PTPRD: variants seen among roughly 807,000 people sequenced by gnomAD.
The protein encoded by PTPRD is receptor-type tyrosine-protein phosphatase delta.
In PTPRD, 34 loss-of-function variants were observed where a neutral mutation model predicts 214.5. The observed-to-expected ratio is 0.16, with a 90% CI of 0.12 to 0.21. The LOEUF is 0.21. Ranked by LOEUF, PTPRD falls within the 10% of genes least tolerant of loss-of-function variation. The probability of loss-of-function intolerance (pLI) is 1.00; values close to 1 mark genes in which losing one functional copy is unlikely to be tolerated. For synonymous variants in PTPRD, 1,128 were observed against 845.7 expected (o/e 1.33, Z -5.79); for missense variants, 2,545 against 2,398.7 (o/e 1.06, Z -1.27).
chr9:10,266,030 A>G (rs1169764488), intron 3 of PTPRD, among the ~76,000 whole-genome samples: 1 of 152,216 alleles, frequency 6.6e-6, no homozygotes, highest in Non-Finnish European at 1.5e-5. Flanking sequence ...TATTAACTAG[A>G]AAAAATATAA....
chr9:9,798,129 T>C (rs2099015618), intron 5 of PTPRD, among the ~76,000 whole-genome samples: 1 of 151,980 alleles, frequency 6.6e-6, no homozygotes, highest in African/African-American at 2.4e-5. Context: ...GCCCAAGCAG[T>C]GTCTGATAAT....
At chr9:9,007,862 G>A (rs1039140618) in intron 11 of PTPRD, among the ~76,000 whole-genome samples, 1 of 134,286 alleles carries the variant, frequency 7.4e-6, no homozygotes, top group Admixed American at 7.8e-5. Context: ...AAGCTAAAAA[G>A]ATATGACCCA....
At chr9:10,509,322 T>C (rs2047156428) in intron 2 of PTPRD, among the ~76,000 whole-genome samples, 1 of 151,656 alleles carries the variant, frequency 6.6e-6, no homozygotes, top group South Asian at 2.1e-4. Context: ...TTTCTTCAGT[T>C]GTTTATAATA....
chr9:9,287,264 G>C lies in PTPRD; in HGVS notation c.-202-103901C>G, dbSNP rs189066181. The stretch of plus-strand genomic sequence containing the variant: ...AAAGGTATTTAGTATAGGAATGTTG[G>C]CATAAATGTTTATGTGCTAGCCCCA... On this transcript the variant is annotated intron_variant, in intron 9 of 45. Transcript: ENST00000381196. 7.5e-3 allele frequency among the ~76,000 whole-genome samples: 1,139 copies of C among 151,680 alleles called. 14 individuals carry two copies. Among genetic ancestry groups the C allele is most frequent in the Middle Eastern group, 0.024 (7 of 294 alleles).
chr9:8,812,485 G>C (rs753731327), intron 11 of PTPRD, among the ~76,000 whole-genome samples: 1 of 152,096 alleles, frequency 6.6e-6, no homozygotes, highest in Non-Finnish European at 1.5e-5. Context: ...TACTCTCAAA[G>C]GGAGAAATAA....
At chr9:8,394,664 T>C (rs2090596072) in intron 36 of PTPRD, among the ~76,000 whole-genome samples, 9 of 152,156 alleles carry the variant, frequency 5.9e-5, no homozygotes. Flanking sequence ...GTCTGTGCTA[T>C]TCTTAACCTT....
rs551679368 is a variant in PTPRD at position 9,101,315 on chromosome 9, T to A, written c.-143+81989A>T. On this transcript the variant is annotated intron_variant, in intron 10 of 45. Transcript: ENST00000381196. The stretch of plus-strand genomic sequence containing the variant: ...ATTTGGGATATTAGGTAGATAGTAG[T>A]TTCTTATTTTTAAGAAGACAGAACA... Among the ~76,000 whole-genome samples the A allele has an allele frequency of 2.0e-5, 3 of 152,280 alleles. No homozygotes were observed. The South Asian group carries it at 6.2e-4, about 32-fold the overall frequency.
chr9:9,023,590 CA>C (rs1469052716), intron 10 of PTPRD, among the ~76,000 whole-genome samples: 4 of 151,956 alleles, frequency 2.6e-5, no homozygotes, highest in African/African-American at 9.7e-5. Flanking sequence ...AGGTTTGTTA[CA>C]GGGGTATATC....
chr9:9,134,568 A>T (rs1030793220), intron 10 of PTPRD, among the ~76,000 whole-genome samples: 1 of 152,122 alleles, frequency 6.6e-6, no homozygotes, highest in African/African-American at 2.4e-5. Context: ...TTTCCACACA[A>T]AATTCAGTGA....
intron 9 of PTPRD, among the ~76,000 whole-genome samples, chr9:9,197,455 G>T (rs1210532452): frequency 1.3e-5 from 2 of 152,184 alleles, no homozygotes; most frequent in Non-Finnish European, 2.9e-5. Context: ...CTGTCGCCCA[G>T]ACTGGAATGC....
At chr9:9,785,837 A>C (rs2098919215) in intron 5 of PTPRD, among the ~76,000 whole-genome samples, 1 of 152,164 alleles carries the variant, frequency 6.6e-6, no homozygotes, top group Non-Finnish European at 1.5e-5. Flanking sequence ...TGGGGTACAT[A>C]CAAAAGGTAC....
chr9:10,117,673 G>A, intron 3 of PTPRD, among the ~76,000 whole-genome samples: 1 of 149,736 alleles, frequency 6.7e-6, no homozygotes, highest in Non-Finnish European at 1.5e-5. Flanking sequence ...CTAATTCCAG[G>A]ATGATTTCAC....
Position 8,341,118 on chromosome 9 carries a change from T to G in PTPRD, c.5098A>C (p.Ile1700Leu). Residue 1700 changes from isoleucine to leucine, a missense_variant, in exon 41 of 46, where the codon ATC becomes CTC. Physicochemically the swap from Ile to Leu is conservative, Grantham distance 5 (BLOSUM62 2). Transcript: ENST00000381196. ...TATCCATCAATAAAACTGGCATTGA[T>G]GTAATCAGATCCTTCTACTCCACGG... ...PIRGVEGSDY[I>L]NASFIDGYRQ... The G allele has an allele frequency of 1.2e-6, 2 of 1,611,794 alleles. No individual in the cohort carries two copies. The highest frequency in any genetic ancestry group is 1.7e-6 in the Non-Finnish European group (2 of 1,178,834).
chr9:9,004,689 G>A (rs776130154), intron 11 of PTPRD, among the ~76,000 whole-genome samples: 6 of 152,026 alleles, frequency 3.9e-5, no homozygotes, highest in African/African-American at 1.4e-4. Context: ...GGGCAAAACT[G>A]CCTGCGGAGG....
intron 5 of PTPRD, among the ~76,000 whole-genome samples, chr9:9,924,586 G>GCTTTCC (rs1566374810): frequency 2.0e-5 from 3 of 152,072 alleles, no homozygotes; most frequent in African/African-American, 7.2e-5. Context: ...TTTCCAGTAC[G>GCTTTCC]CTTTCACTTT....
chr9:8,345,180 G>A (rs894431666), intron 39 of PTPRD, among the ~76,000 whole-genome samples: 1 of 151,990 alleles, frequency 6.6e-6, no homozygotes, highest in Non-Finnish European at 1.5e-5. Flanking sequence ...CAAATGAGAT[G>A]GCAGGCAAGG....
chr9:9,809,761 T>C lies in PTPRD; in HGVS notation c.-367-42910A>G, dbSNP rs946857705. Among the ~76,000 whole-genome samples, 101 of 152,262 alleles carry C rather than the reference T, an allele frequency of 6.6e-4. 1 individual carries two copies. Among genetic ancestry groups the C allele is most frequent in the Admixed American group, 6.1e-3 (94 of 15,300 alleles). On this transcript the variant is annotated intron_variant, in intron 5 of 45. Coordinates refer to ENST00000381196, the MANE Select transcript of PTPRD (RefSeq NM_002839.4). ...CTAACACTGACATTCAGAATGTGTC[T>C]GACCAAGACAGGTGACATTCCATGA...
intron 6 of PTPRD, among the ~76,000 whole-genome samples, chr9:9,752,536 T>C (rs890570612): frequency 5.3e-5 from 8 of 151,998 alleles, no homozygotes; most frequent in African/African-American, 1.9e-4. Flanking sequence ...GAGTTTGATT[T>C]TTAGAATCCC....
intron 21 of PTPRD, among the ~76,000 whole-genome samples, chr9:8,511,178 T>G (rs1335981487): frequency 6.6e-6 from 1 of 152,140 alleles, no homozygotes; most frequent in East Asian, 1.9e-4. Context: ...AAGTGCTCCT[T>G]CCACCTCAGC....
Sources: gnomAD v4.1 joint callset for allele counts (sites outside exome capture counted in the v4.1 genomes callset) on GRCh38, gnomAD v4.1.1 for gene constraint, MANE v1.5 for transcripts, NCBI Gene and HGNC (gene_info 2026-07-23, HGNC 2026-07-21) for gene names.